ADAM32: variants seen among roughly 807,000 people sequenced by gnomAD.
ADAM32 encodes the protein disintegrin and metalloproteinase domain-containing protein 32.
A neutral mutation model predicts 114.9 loss-of-function variants in ADAM32; 89 were observed. That is an observed-to-expected ratio of 0.77 (90% confidence interval 0.65 to 0.92). ADAM32 has a LOEUF of 0.92. Ranked by LOEUF, ADAM32 falls within the 40% of genes least tolerant of loss-of-function variation. The pLI is 0.00. For missense variants in ADAM32, 870 were observed against 932.8 expected (o/e 0.93, Z 0.88); for synonymous variants, 285 against 307.5 (o/e 0.93, Z 0.77).
chr8:39,238,159 C>G (rs1564660792), intron 16 of ADAM32, among the ~76,000 whole-genome samples: 1 of 152,242 alleles, frequency 6.6e-6, no homozygotes, highest in Non-Finnish European at 1.5e-5. Context: ...TAACCAAGGA[C>G]TCTCACAGAA....
At chr8:39,174,653 T>A (rs1805402358) in intron 10 of ADAM32, among the ~76,000 whole-genome samples, 1 of 96,516 alleles carries the variant, frequency 1.0e-5, no homozygotes, top group African/African-American at 4.0e-5. Context: ...GTGCTATCCC[T>A]CCCCCCTCCC....
chr8:39,213,101 G>C (rs1321370847), intron 12 of ADAM32, among the ~76,000 whole-genome samples: 1 of 152,050 alleles, frequency 6.6e-6, no homozygotes, highest in Non-Finnish European at 1.5e-5. Flanking sequence ...TTTACTTTCT[G>C]TAATGATTAA....
At chr8:39,129,801 C>T in intron 2 of ADAM32, 2 of 304,006 alleles carry the variant, frequency 6.6e-6, no homozygotes, top group South Asian at 2.8e-5. Flanking sequence ...GCACCTTGGC[C>T]TTTCTTTTTG....
intron 11 of ADAM32, among the ~76,000 whole-genome samples, chr8:39,202,187 G>A (rs1235350210): frequency 1.3e-5 from 2 of 152,198 alleles, no homozygotes; most frequent in African/African-American, 2.4e-5. Context: ...GATGGGAATA[G>A]TTTCAGAAGG....
intron 14 of ADAM32, among the ~76,000 whole-genome samples, chr8:39,227,323 G>A (rs1318324418): frequency 1.3e-5 from 2 of 152,182 alleles, no homozygotes; most frequent in Non-Finnish European, 2.9e-5. Context: ...AGAGAGCTGG[G>A]CAAAATACAG....
chr8:39,148,600 C>T (rs1803647280), intron 4 of ADAM32, among the ~76,000 whole-genome samples: 1 of 151,774 alleles, frequency 6.6e-6, no homozygotes, highest in African/African-American at 2.4e-5. Context: ...GAGGGCAGGG[C>T]TTTTGGTCTG....
intron 3 of ADAM32, among the ~76,000 whole-genome samples, chr8:39,145,636 G>C (rs1487379462): frequency 6.6e-6 from 1 of 152,162 alleles, no homozygotes; most frequent in Non-Finnish European, 1.5e-5. Flanking sequence ...CTGAAGAAGA[G>C]ATGGTTTCAA....
At chr8:39,197,398 C>T (rs773505698) in intron 11 of ADAM32, among the ~76,000 whole-genome samples, 2 of 151,390 alleles carry the variant, frequency 1.3e-5, no homozygotes, top group Admixed American at 6.6e-5. Context: ...TTTTCTAGTT[C>T]CTGAAGTACA....
chr8:39,136,221 T>C (rs977465846), intron 2 of ADAM32, among the ~76,000 whole-genome samples: 1 of 152,248 alleles, frequency 6.6e-6, no homozygotes. Flanking sequence ...AATAATCTTC[T>C]GTTTAAAATA....
rs768790695 is a variant in ADAM32, at chr8:39,257,359, G to C, written c.2162+16G>C. Reference sequence around the variant, plus strand: ...CAAGTAGCGAGTAAATTGCATTTGTGTTCTGAAGTTAAACATTAGTACCAT... The same window carrying C: ...CAAGTAGCGAGTAAATTGCATTTGTCTTCTGAAGTTAAACATTAGTACCAT... On this transcript the variant is annotated intron_variant, in intron 19 of 24. Coordinates refer to ENST00000379907, the MANE Select transcript of ADAM32 (RefSeq NM_145004.7). 5 of 1,612,282 alleles carry C rather than the reference G, an allele frequency of 3.1e-6. No individual in the cohort carries two copies. The South Asian group carries it at 5.5e-5, about 18-fold the overall frequency.
At chr8:39,132,318 C>T (rs1209412729) in intron 2 of ADAM32, among the ~76,000 whole-genome samples, 1 of 152,158 alleles carries the variant, frequency 6.6e-6, no homozygotes, top group Non-Finnish European at 1.5e-5. Context: ...CAATATTTTG[C>T]TATTTTTACT....
At chr8:39,153,142 C>T (rs1032018405) in intron 6 of ADAM32, among the ~76,000 whole-genome samples, 1 of 152,212 alleles carries the variant, frequency 6.6e-6, no homozygotes, top group African/African-American at 2.4e-5. Context: ...TTTTCTGTCT[C>T]TGTGTAGACG....
At chr8:39,196,645 C>G (rs1416616368) in intron 11 of ADAM32, among the ~76,000 whole-genome samples, 14 of 151,942 alleles carry the variant, frequency 9.2e-5, no homozygotes, top group Admixed American at 9.2e-4. Flanking sequence ...TTTACTAATT[C>G]ATATATGTTA....
At chr8:39,193,654 G>A (rs1806747721) in intron 11 of ADAM32, among the ~76,000 whole-genome samples, 1 of 152,112 alleles carries the variant, frequency 6.6e-6, no homozygotes, top group Non-Finnish European at 1.5e-5. Context: ...CCGTGATGTG[G>A]TTGTCCTTTG....
At chr8:39,199,999 AT>A (rs1254090533) in intron 11 of ADAM32, among the ~76,000 whole-genome samples, 1 of 151,980 alleles carries the variant, frequency 6.6e-6, no homozygotes, top group Admixed American at 6.6e-5. Flanking sequence ...TATGTGCCAC[AT>A]TTTCTTAATC....
chr8:39,164,537 A>T (rs1260038451), intron 7 of ADAM32, among the ~76,000 whole-genome samples: 1 of 152,226 alleles, frequency 6.6e-6, no homozygotes, highest in African/African-American at 2.4e-5. Flanking sequence ...TTTGATTTCA[A>T]AGAAGTTGAA....
intron 11 of ADAM32, among the ~76,000 whole-genome samples, chr8:39,188,011 G>A (rs1193642680): frequency 6.6e-6 from 1 of 152,090 alleles, no homozygotes; most frequent in Non-Finnish European, 1.5e-5. Flanking sequence ...TTGCAAATAT[G>A]GCCTATGACG....
intron 17 of ADAM32, among the ~76,000 whole-genome samples, chr8:39,248,769 G>A (rs1811093424): frequency 1.3e-5 from 2 of 152,070 alleles, no homozygotes; most frequent in South Asian, 4.1e-4. Flanking sequence ...ATCTTACTGG[G>A]AAAGTATCTA....
intron 8 of ADAM32, 93 bp downstream of exon 8, chr8:39,164,928 C>G: frequency 1.4e-6 from 2 of 1,467,520 alleles, no homozygotes; most frequent in African/African-American, 1.4e-5. Flanking sequence ...ATTAACCCAC[C>G]CATATAAACT....
Sources: gnomAD v4.1 joint callset for allele counts (sites outside exome capture counted in the v4.1 genomes callset) on GRCh38, gnomAD v4.1.1 for gene constraint, MANE v1.5 for transcripts, NCBI Gene and HGNC (gene_info 2026-07-23, HGNC 2026-07-21) for gene names.